The following ANO3 variants were observed in gnomAD, a reference collection of about 807,000 sequenced individuals.
ANO3 encodes anoctamin-3.
ANO3 carries 99 observed loss-of-function variants against 144.8 expected under a neutral mutation model. The observed-to-expected ratio is 0.68, with a 90% CI of 0.58 to 0.81. The LOEUF is 0.81. ANO3 is among the 30% of genes least tolerant of loss of function. ANO3 has a pLI of 0.00. For synonymous variants in ANO3, 414 were observed against 392.6 expected (o/e 1.05, Z -0.64); for missense variants, 905 against 1,202.2 (o/e 0.75, Z 3.66).
chr11:26,528,383 T>C (rs1166006364), intron 7 of ANO3, among the ~76,000 whole-genome samples: 1 of 152,188 alleles, frequency 6.6e-6, no homozygotes, highest in African/African-American at 2.4e-5. Flanking sequence ...ACCCCTTCCT[T>C]CACAGGAAGT....
chr11:26,578,806 A>C, intron 14 of ANO3, among the ~76,000 whole-genome samples: 1 of 152,206 alleles, frequency 6.6e-6, no homozygotes, highest in East Asian at 1.9e-4. Context: ...ATTCTGAAAT[A>C]GAGCCTTTTC....
chr11:26,498,669 G>T (rs1861066534), intron 4 of ANO3, among the ~76,000 whole-genome samples: 1 of 151,246 alleles, frequency 6.6e-6, no homozygotes, highest in African/African-American at 2.4e-5. Flanking sequence ...TGCCTTATTT[G>T]GTTTAGAATA....
At chr11:26,475,507 T>C (rs1859929897) in intron 4 of ANO3, among the ~76,000 whole-genome samples, 1 of 152,006 alleles carries the variant, frequency 6.6e-6, no homozygotes, top group South Asian at 2.1e-4. Flanking sequence ...ATAGAGTCTG[T>C]TAAATTACCT....
At chr11:26,212,217 T>TA (rs1278258462) in intron 1 of ANO3, among the ~76,000 whole-genome samples, 1 of 151,336 alleles carries the variant, frequency 6.6e-6, no homozygotes, top group Non-Finnish European at 1.5e-5. Context: ...AAGTATATAT[T>TA]AAAAAAAGAA....
chr11:26,456,077 G>A (rs1859146641), intron 3 of ANO3, among the ~76,000 whole-genome samples: 1 of 151,834 alleles, frequency 6.6e-6, no homozygotes, highest in Admixed American at 6.6e-5. Flanking sequence ...ATCAATTCAA[G>A]ATGGATTAAA....
At chr11:26,392,695 A>T (rs186025453) in intron 1 of ANO3, among the ~76,000 whole-genome samples, 1 of 152,208 alleles carries the variant, frequency 6.6e-6, no homozygotes, top group East Asian at 1.9e-4. Context: ...TTTATCTTGA[A>T]TTTTTGTAGG....
At chr11:26,443,888 G>T in intron 3 of ANO3, 52 bp downstream of exon 3, 1 of 1,264,082 alleles carries the variant, frequency 7.9e-7, no homozygotes, top group South Asian at 1.4e-5. Context: ...CCAAAGGTAA[G>T]CTGTGTTCTT....
chr11:26,474,125 T>C (rs1449990657), intron 4 of ANO3: 1 of 984,266 alleles, frequency 1.0e-6, no homozygotes, highest in Non-Finnish European at 1.2e-6. Context: ...GAATTCTGAC[T>C]GTGGTATGTT....
At chr11:26,291,625 A>G (rs1348605350) in intron 1 of ANO3, among the ~76,000 whole-genome samples, 2 of 152,094 alleles carry the variant, frequency 1.3e-5, no homozygotes, top group South Asian at 2.1e-4. Flanking sequence ...ATCTCTCAGC[A>G]TTTGCTTGTC....
chr11:26,396,007 A>G (rs1350198815), intron 1 of ANO3, among the ~76,000 whole-genome samples: 1 of 152,182 alleles, frequency 6.6e-6, no homozygotes, highest in Non-Finnish European at 1.5e-5. Flanking sequence ...TGAACAGGCA[A>G]CTTACAGGAT....
chr11:26,320,716 C>A (rs1340192323), intron 1 of ANO3, among the ~76,000 whole-genome samples: 1 of 151,906 alleles, frequency 6.6e-6, no homozygotes, highest in Non-Finnish European at 1.5e-5. Context: ...TTCTGTTTAA[C>A]ATTTTAGTTC....
rs201281944 is a variant in ANO3, at chr11:26,457,631, CTG to C, written c.314-5397_314-5396del. 1.0e-3 allele frequency among the ~76,000 whole-genome samples: 153 copies of C among 152,230 alleles called. 1 individual carries two copies. The highest frequency in any genetic ancestry group is 3.6e-3 in the African/African-American group (148 of 41,548). ...TATTCTAAAGTCTAACGTTAAAAAA[CTG>C]TAACGGACTCACTGCCACCCAGCTA... On this transcript the variant is annotated intron_variant, in intron 3 of 26. Coordinates refer to ENST00000256737, the MANE Select transcript of ANO3 (RefSeq NM_031418.4).
rs1171506882 is a variant in ANO3 at position 26,649,751 on chromosome 11, T to A, written c.2576+1895T>A. ...AATTTCGTCTCAAAAAAAAAATATA[T>A]ATTCATAGCCCTTATGATTAAGAAG... On this transcript the variant is annotated intron_variant, in intron 24 of 26. Coordinates refer to ENST00000256737, the MANE Select transcript of ANO3 (RefSeq NM_031418.4). Among the ~76,000 whole-genome samples the A allele has an allele frequency of 6.1e-3, 884 of 144,802 alleles. 6 individuals are homozygous for A. The highest frequency in any genetic ancestry group is 0.011 in the Middle Eastern group (3 of 276). 95.0% of individuals were successfully genotyped at this position (144,802 alleles called of 152,430 possible). A position where few individuals can be genotyped will look rare whatever the true frequency, so the allele number is the denominator to read the frequency against.
chr11:26,464,332 T>C (rs1359788370), intron 4 of ANO3, among the ~76,000 whole-genome samples: 4 of 151,836 alleles, frequency 2.6e-5, no homozygotes, highest in South Asian at 2.1e-4. Context: ...GTCTGATAAA[T>C]ATAAAGGCTG....
chr11:26,400,208 G>A (rs1166915528), intron 1 of ANO3, among the ~76,000 whole-genome samples: 1 of 152,036 alleles, frequency 6.6e-6, no homozygotes, highest in Non-Finnish European at 1.5e-5. Flanking sequence ...AGGTCATCAG[G>A]AGAAAGGTTT....
At chr11:26,565,618 T>G (rs750199368) in intron 14 of ANO3, 1 of 1,612,742 alleles carries the variant, frequency 6.2e-7, no homozygotes. Flanking sequence ...ATTCCGTGGC[T>G]GTTGTTGGGT....
At chr11:26,294,345 T>C (rs1167465131) in intron 1 of ANO3, among the ~76,000 whole-genome samples, 1 of 152,188 alleles carries the variant, frequency 6.6e-6, no homozygotes, top group African/African-American at 2.4e-5. Context: ...GCTTTCTATA[T>C]TATGATATCA....
intron 14 of ANO3, chr11:26,560,058 T>A: frequency 7.5e-5 from 24 of 318,598 alleles, no homozygotes. Flanking sequence ...AAAAACAAAC[T>A]GAAACATACT....
chr11:26,601,600 G>A lies in ANO3; in HGVS notation c.1836+1886G>A, dbSNP rs185072812. Among the ~76,000 whole-genome samples, 479 of 152,308 alleles carry A rather than the reference G, an allele frequency of 3.1e-3. 3 individuals carry two copies. The highest frequency in any genetic ancestry group is 0.02 in the South Asian group (96 of 4,824). On this transcript the variant is annotated intron_variant, in intron 17 of 26. Coordinates refer to ENST00000256737, the MANE Select transcript of ANO3 (RefSeq NM_031418.4). ...ATGGTAGTATATATAAGATAGTATAGGTTGTGCACTGCACAAGCATCACAT... is the reference window on the plus strand; with the variant it reads ...ATGGTAGTATATATAAGATAGTATAAGTTGTGCACTGCACAAGCATCACAT...
Sources: gnomAD v4.1 joint callset for allele counts (sites outside exome capture counted in the v4.1 genomes callset) on GRCh38, gnomAD v4.1.1 for gene constraint, MANE v1.5 for transcripts, NCBI Gene and HGNC (gene_info 2026-07-23, HGNC 2026-07-21) for gene names.